Variants in ZFHX3 observed in about 807,000 individuals in gnomAD.
The protein encoded by ZFHX3 is zinc finger homeobox 3, also known as zinc finger homeobox protein 3.
ZFHX3 carries 42 observed loss-of-function variants against 279.1 expected under a neutral mutation model. The ratio of observed to expected loss-of-function variants is 0.15; its 90% CI spans 0.12 to 0.19. The LOEUF is 0.19. ZFHX3 is among the 10% of genes least tolerant of loss of function. ZFHX3 has a pLI of 1.00. For missense variants in ZFHX3, 4,981 were observed against 4,754.0 expected (o/e 1.05, Z -1.40); for synonymous variants, 2,293 against 1,957.8 (o/e 1.17, Z -4.52).
intron 5 of ZFHX3, among the ~76,000 whole-genome samples, chr16:73,241,555 C>T (rs2144944356): frequency 6.6e-6 from 1 of 152,010 alleles, no homozygotes; most frequent in Non-Finnish European, 1.5e-5. Context: ...CTTTTGGATG[C>T]CCAGGCGGGT....
At chr16:73,793,486 C>T (rs1290850573) in intron 1 of ZFHX3, among the ~76,000 whole-genome samples, 4 of 152,204 alleles carry the variant, frequency 2.6e-5, no homozygotes, top group Non-Finnish European at 5.9e-5. Context: ...CAACATATCT[C>T]CAACGAAAAT....
chr16:73,136,809 C>T (rs1468858654), intron 6 of ZFHX3, among the ~76,000 whole-genome samples: 1 of 148,798 alleles, frequency 6.7e-6, no homozygotes, highest in Non-Finnish European at 1.5e-5. Context: ...TCTAGGGGTG[C>T]AGGGAAGAAA....
At chr16:73,692,822 G>T (rs1448438706) in intron 1 of ZFHX3, among the ~76,000 whole-genome samples, 1 of 152,214 alleles carries the variant, frequency 6.6e-6, no homozygotes, top group Admixed American at 6.5e-5. Context: ...TTCCTGGCAT[G>T]AAAGAAACAA....
chr16:73,504,074 A>C (rs2019282069), intron 2 of ZFHX3, among the ~76,000 whole-genome samples: 1 of 152,244 alleles, frequency 6.6e-6, no homozygotes, highest in Non-Finnish European at 1.5e-5. Flanking sequence ...ATAAGTAAAC[A>C]GAAATGGAAA....
rs1234319269 is a variant in ZFHX3 at position 73,305,493 on chromosome 16, AC to A, written c.-1194+12746del. Among the ~76,000 whole-genome samples, 7 of 151,948 alleles carry A rather than the reference AC, an allele frequency of 4.6e-5. No individual in the cohort carries two copies. In the East Asian group the frequency reaches 1.4e-3, roughly 29 times the overall value. On this transcript the variant is annotated intron_variant, in intron 4 of 17. Transcript: ENST00000641206. Reference sequence around the variant, plus strand: ...GGTCAGAAAGATGAGGAAGAAAGACACCCCTGCAGCTTAGGAATAACAATCA... The same window carrying A: ...GGTCAGAAAGATGAGGAAGAAAGACACCCTGCAGCTTAGGAATAACAATCA...
chr16:73,062,975 C>G (rs916161645), upstream of ZFHX3, among the ~76,000 whole-genome samples: 3 of 152,248 alleles, frequency 2.0e-5, no homozygotes, highest in African/African-American at 7.2e-5. Context: ...TTAACATGAT[C>G]TAAACATCCC....
chr16:73,729,184 A>G (rs1026866346), intron 1 of ZFHX3, among the ~76,000 whole-genome samples: 2 of 152,122 alleles, frequency 1.3e-5, no homozygotes, highest in Admixed American at 6.5e-5. Context: ...AGCCCACTTC[A>G]CCACACCCAC....
intron 7 of ZFHX3, among the ~76,000 whole-genome samples, chr16:73,129,666 C>A (rs8056261): frequency 6.9e-4 from 104 of 151,334 alleles, no homozygotes; most frequent in Middle Eastern, 6.8e-3. Context: ...GTATGTGTGC[C>A]CACGCCTGTG....
intron 1 of ZFHX3, among the ~76,000 whole-genome samples, chr16:73,037,688 G>A (rs1964962009): frequency 6.6e-6 from 1 of 152,074 alleles, no homozygotes; most frequent in South Asian, 2.1e-4. Flanking sequence ...CTATCATTAG[G>A]GACAGTAAAA....
chr16:73,335,492 A>T (rs2015894810), intron 3 of ZFHX3, among the ~76,000 whole-genome samples: 1 of 152,224 alleles, frequency 6.6e-6, no homozygotes, highest in Non-Finnish European at 1.5e-5. Flanking sequence ...TATTTAAGGC[A>T]CTGATGTAAC....
intron 5 of ZFHX3, among the ~76,000 whole-genome samples, chr16:72,816,410 G>A (rs989269437): frequency 5.3e-5 from 8 of 152,152 alleles, no homozygotes; most frequent in African/African-American, 1.4e-4. Context: ...GACTGAATGC[G>A]CTATAGATGA....
Position 72,829,856 on chromosome 16 carries a change from T to G in ZFHX3, c.3452A>C (p.Glu1151Ala). Reference sequence around the variant, plus strand: ...GGGTCCTTCAACATCTTCAATGGCTTCTTCTGAAACAGAAGAAAAACATGT... The same window carrying G: ...GGGTCCTTCAACATCTTCAATGGCTGCTTCTGAAACAGAAGAAAAACATGT... ...IRRCPSTDPE[E>A]AIEDVEGPSE... Residue 1151 changes from glutamate to alanine, a missense_variant, in exon 5 of 10, where the codon GAA becomes GCA. By Grantham distance (107) the Glu-to-Ala change is moderately radical. Around this residue, in one of 7 missense-constraint regions of ZFHX3, gnomAD observed 1,751 missense variants for 1,770.0 expected, o/e 0.99. Transcript: ENST00000268489. The G allele has an allele frequency of 6.2e-7, 1 of 1,614,180 alleles. No individual in the cohort carries two copies. Among genetic ancestry groups the G allele is most frequent in the African/African-American group, 1.3e-5 (1 of 75,058 alleles).
At chr16:73,752,730 C>T (rs569211683) in intron 1 of ZFHX3, among the ~76,000 whole-genome samples, 1 of 152,216 alleles carries the variant, frequency 6.6e-6, no homozygotes, top group East Asian at 1.9e-4. Flanking sequence ...AGTGTGTTTC[C>T]TGCACAAAGA....
Position 72,933,984 on chromosome 16 carries a change from A to G in ZFHX3, c.3216+16485T>C, listed in dbSNP as rs555541465. On this transcript the variant is annotated intron_variant, in intron 3 of 9. Transcript: ENST00000268489. ...CAGGTGCCCTCCACCACGCCCAGCT[A>G]ATTTTTTGTATTTTTAGTAGAGATG... Among the ~76,000 whole-genome samples the G allele has an allele frequency of 2.5e-3, 383 of 151,960 alleles. 2 individuals are homozygous for G. The highest frequency in any genetic ancestry group is 0.01 in the Middle Eastern group (3 of 294).
At chr16:73,703,685 C>T (rs776612689) in intron 1 of ZFHX3, among the ~76,000 whole-genome samples, 1 of 152,100 alleles carries the variant, frequency 6.6e-6, no homozygotes, top group Non-Finnish European at 1.5e-5. Flanking sequence ...CCGGGAGGTG[C>T]CTGGCAGACA....
At chr16:73,126,131 C>G (rs916793650) in intron 7 of ZFHX3, among the ~76,000 whole-genome samples, 1 of 151,992 alleles carries the variant, frequency 6.6e-6, no homozygotes, top group Non-Finnish European at 1.5e-5. Flanking sequence ...GGGGAGAGAG[C>G]CAAGGACCAG....
chr16:73,272,086 G>C (rs1044579250), intron 4 of ZFHX3, among the ~76,000 whole-genome samples: 1 of 152,116 alleles, frequency 6.6e-6, no homozygotes, highest in African/African-American at 2.4e-5. Flanking sequence ...CATCCATGTC[G>C]AAGTTTTCAT....
chr16:73,524,637 G>A (rs913058134), intron 2 of ZFHX3, among the ~76,000 whole-genome samples: 17 of 152,166 alleles, frequency 1.1e-4, no homozygotes, highest in African/African-American at 4.1e-4. Context: ...CTCTACGGAA[G>A]CCTCTAGATT....
At chr16:73,217,767 T>C (rs1450431328) in intron 5 of ZFHX3, among the ~76,000 whole-genome samples, 3 of 152,100 alleles carry the variant, frequency 2.0e-5, no homozygotes, top group Non-Finnish European at 4.4e-5. Flanking sequence ...TATTTTTTTC[T>C]ACCCAAGGCA....
Sources: allele counts gnomAD v4.1 joint callset (sites outside exome capture counted in the v4.1 genomes callset), GRCh38; gene constraint gnomAD v4.1.1; regional missense constraint gnomAD v4.1.1; transcripts MANE v1.5; gene names NCBI Gene and HGNC (gene_info 2026-07-23, HGNC 2026-07-21).